Variants in BGN observed in about 807,000 individuals in gnomAD.
BGN encodes the protein bone/cartilage proteoglycan-I.
In BGN, 6 loss-of-function variants were observed where a neutral mutation model predicts 20.0. The ratio of observed to expected loss-of-function variants is 0.30; its 90% confidence interval spans 0.16 to 0.59. BGN has a LOEUF of 0.59. Among genes scored for constraint, BGN ranks in the 20% least tolerant of loss-of-function variants. The pLI, the probability that BGN is intolerant of heterozygous loss-of-function variation, is 0.88. For missense variants in BGN, 292 were observed against 312.1 expected (o/e 0.94, Z 0.49); for synonymous variants, 146 against 134.6 (o/e 1.08, Z -0.59).
chrX:153,497,382 G>A (rs1556991008), intron 1 of BGN, among the ~76,000 whole-genome samples: 1 of 109,796 alleles, frequency 9.1e-6, no homozygotes, highest in African/African-American at 3.3e-5. Context: ...CGGCTCCCTC[G>A]GAAGGCAGCG....
At chrX:153,505,204 A>C in intron 2 of BGN, 34 bp from the exon 3 acceptor site, 4 of 1,134,990 alleles carry the variant, frequency 3.5e-6, no homozygotes. Context: ...CCTAGGTCTC[A>C]AGTTCATGCT....
intron 4 of BGN, 46 bp downstream of exon 4, chrX:153,506,122 C>A: frequency 8.7e-7 from 1 of 1,144,964 alleles, no homozygotes; most frequent in Non-Finnish European, 1.2e-6. Flanking sequence ...TGTCTCGAGG[C>A]ATGGGGAAGG....
At chrX:153,498,819 C>A (rs1008157486) in intron 1 of BGN, among the ~76,000 whole-genome samples, 3 of 112,410 alleles carry the variant, frequency 2.7e-5, no homozygotes, top group Non-Finnish European at 5.6e-5. Context: ...GGCTGCCCTG[C>A]TGGCTGTGTT....
chrX:153,508,124 A>T lies in BGN; in HGVS notation c.910-124A>T. 4.0e-6 allele frequency: 3 copies of T among 755,794 alleles called. No homozygotes were observed. The South Asian group carries it at 7.5e-5, about 19-fold the overall frequency. 62.3% of individuals were successfully genotyped at this position (755,794 alleles called of 1,213,427 possible). On this transcript the variant is annotated intron_variant, in intron 7 of 7. Transcript: ENST00000331595. ...ATGCCTTGGTTTGCTCCTCCCAACA[A>T]CGGGGAGCCTCTGGTGTGGCCCTTG...
chrX:153,499,467 C>T (rs1348049117), intron 1 of BGN, among the ~76,000 whole-genome samples: 2 of 113,072 alleles, frequency 1.8e-5, no homozygotes, highest in African/African-American at 6.4e-5. Flanking sequence ...TTGTCGCCAC[C>T]CTGCCAGAAA....
At chrX:153,503,120 C>T (rs1250631191) in intron 1 of BGN, among the ~76,000 whole-genome samples, 5 of 112,965 alleles carry the variant, frequency 4.4e-5, no homozygotes, top group Admixed American at 9.2e-5. Flanking sequence ...GCCCCCGGCC[C>T]GCTGGTAGCA....
At position 153,494,999 on chromosome X, in the gene BGN, A is replaced by C. The variant is rs1364454636; in HGVS notation, c.-126A>C. On this transcript the variant is annotated 5_prime_UTR_variant, in exon 1 of 8. Coordinates refer to ENST00000331595, the MANE Select transcript of BGN (RefSeq NM_001711.6). The stretch of plus-strand genomic sequence containing the variant: ...GTCTCCCTCTCTCCACAAACTGCCC[A>C]GGAGTGAGTAGCTGCTTTCGGTCCG... The C allele has an allele frequency of 1.9e-5, 2 of 104,102 alleles. No homozygotes were observed. The highest frequency in any genetic ancestry group is 3.9e-5 in the Non-Finnish European group (2 of 51,008). The allele number at this position is 104,102 out of a possible 1,213,427, so 8.6% of individuals were successfully genotyped here.
intron 1 of BGN, among the ~76,000 whole-genome samples, chrX:153,504,215 C>T (rs1421091748): frequency 2.7e-5 from 3 of 112,518 alleles, no homozygotes; most frequent in Admixed American, 9.3e-5. Context: ...CCCTTGAGGG[C>T]CAATGGCTAG....
intron 1 of BGN, among the ~76,000 whole-genome samples, chrX:153,497,870 C>T (rs1283200970): frequency 6.2e-5 from 7 of 112,389 alleles, no homozygotes; most frequent in Non-Finnish European, 1.1e-4. Flanking sequence ...CTGCCCCCTT[C>T]GCTGTTTCGC....
At chrX:153,500,135 C>T (rs1393677708) in intron 1 of BGN, among the ~76,000 whole-genome samples, 1 of 113,106 alleles carries the variant, frequency 8.8e-6, no homozygotes, top group African/African-American at 3.2e-5. Context: ...CCTCCATGTT[C>T]TCAGAGGCTG....
intron 1 of BGN, among the ~76,000 whole-genome samples, chrX:153,499,435 G>A (rs782084484): frequency 2.7e-5 from 3 of 112,864 alleles, no homozygotes; most frequent in South Asian, 3.6e-4. Context: ...GTGGCTGGGC[G>A]CATCAAGGGA....
intron 1 of BGN, among the ~76,000 whole-genome samples, chrX:153,499,466 C>T (rs146394263): frequency 1.2e-3 from 132 of 113,158 alleles, no homozygotes; most frequent in African/African-American, 4.1e-3. Flanking sequence ...CTTGTCGCCA[C>T]CCTGCCAGAA....
At chrX:153,499,328 G>A (rs190310180) in intron 1 of BGN, among the ~76,000 whole-genome samples, 69 of 112,136 alleles carry the variant, frequency 6.2e-4, no homozygotes, top group African/African-American at 2.2e-3. Context: ...GCGCACAGTG[G>A]GAAGGGCTGA....
intron 1 of BGN, among the ~76,000 whole-genome samples, chrX:153,502,508 C>T (rs1306957413): frequency 8.9e-6 from 1 of 112,455 alleles, no homozygotes; most frequent in Non-Finnish European, 1.9e-5. Flanking sequence ...GAGGGTCCTA[C>T]AGCGGCAGCA....
chrX:153,496,031 C>T (rs1556990670), intron 1 of BGN, among the ~76,000 whole-genome samples: 1 of 112,443 alleles, frequency 8.9e-6, no homozygotes, highest in African/African-American at 3.2e-5. Context: ...GGAGCGCCCC[C>T]TCACTGCTCC....
At chrX:153,508,141 TG>T in intron 7 of BGN, 106 bp from the exon 8 acceptor site, 1 of 857,681 alleles carries the variant, frequency 1.2e-6, no homozygotes, top group Non-Finnish European at 1.7e-6. Flanking sequence ...GCCTCTGGTG[TG>T]GCCCTTGAAG....
chrX:153,500,963 TG>T (rs1276128902), intron 1 of BGN, among the ~76,000 whole-genome samples: 1 of 112,048 alleles, frequency 8.9e-6, no homozygotes, highest in African/African-American at 3.3e-5. Flanking sequence ...TGGGTATGCA[TG>T]TGTGAGTGTC....
chrX:153,500,671 A>G (rs1295675945), intron 1 of BGN, among the ~76,000 whole-genome samples: 3 of 111,792 alleles, frequency 2.7e-5, no homozygotes, highest in Non-Finnish European at 5.7e-5. Flanking sequence ...ACATATGTGT[A>G]TGCGTGTATA....
At chrX:153,502,967 G>C (rs112487622) in intron 1 of BGN, among the ~76,000 whole-genome samples, 2,384 of 112,481 alleles carry the variant, frequency 0.021, 29 homozygotes, top group Non-Finnish European at 0.034. Context: ...CTTCTAGGGG[G>C]GATGCCAATG....
Sources: gnomAD v4.1 joint callset for allele counts (sites outside exome capture counted in the v4.1 genomes callset) on GRCh38, gnomAD v4.1.1 for gene constraint, MANE v1.5 for transcripts, NCBI Gene and HGNC (gene_info 2026-07-23, HGNC 2026-07-21) for gene names.